The following TMEM235 variants were observed in gnomAD, a reference collection of about 807,000 sequenced individuals.
TMEM235 encodes transmembrane protein 235.
Under a neutral mutation model 22.9 loss-of-function variants are expected in TMEM235, and 23 were observed. The ratio of observed to expected loss-of-function variants is 1.00; its 90% CI spans 0.72 to 1.42. The LOEUF (loss-of-function observed/expected upper bound fraction) is 1.42. Among genes scored for constraint, TMEM235 ranks in the 40% most tolerant of loss-of-function variants. The probability of loss-of-function intolerance (pLI) is 0.00; values close to 1 mark genes in which losing one functional copy is unlikely to be tolerated. For synonymous variants in TMEM235, 137 were observed against 140.5 expected (o/e 0.98, Z 0.17); for missense variants, 308 against 299.5 (o/e 1.03, Z -0.21).
In TMEM235 at chr17:78,237,848, T is replaced by C. The variant is rs1306521134; in HGVS notation, c.410-1176T>C. Among the ~76,000 whole-genome samples the C allele has an allele frequency of 1.3e-5, 2 of 152,156 alleles. No individual in the cohort carries two copies. The highest frequency in any genetic ancestry group is 4.8e-5 in the African/African-American group (2 of 41,442). Reference sequence around the variant, plus strand: ...CTCCCTCCCTCAGCCTCCCCATGCCTTCTTCTCCCCACTCTCTGTCCCACT... The same window carrying C: ...CTCCCTCCCTCAGCCTCCCCATGCCCTCTTCTCCCCACTCTCTGTCCCACT... On this transcript the variant is annotated intron_variant, in intron 4 of 5. Transcript: ENST00000421688. This position sits in a 1 kb window ranked among gnomAD's most constrained non-coding sequence, Gnocchi z 4.7.
At chr17:78,233,651 C>A (rs368009642) in intron 2 of TMEM235, among the ~76,000 whole-genome samples, 1 of 150,480 alleles carries the variant, frequency 6.6e-6, no homozygotes, top group Non-Finnish European at 1.5e-5. Flanking sequence ...ACCGAGATCG[C>A]GCCACTGCAC....
At chr17:78,234,948 G>A (rs780967190) in intron 4 of TMEM235, among the ~76,000 whole-genome samples, 2 of 152,200 alleles carry the variant, frequency 1.3e-5, no homozygotes, top group Non-Finnish European at 2.9e-5. Context: ...CTGAGACTGC[G>A]TAATTTATAA....
Position 78,238,681 on chromosome 17 carries a change from G to A in TMEM235, c.410-343G>A, listed in dbSNP as rs1007709082. On this transcript the variant is annotated intron_variant, in intron 4 of 5. Coordinates refer to ENST00000421688, the Ensembl canonical transcript of TMEM235. This position sits in a 1 kb window ranked among gnomAD's most constrained non-coding sequence, Gnocchi z 4.3. Reference sequence around the variant, plus strand: ...GTGTGTGGGGGGCAGTTATGTGAGTGGGAACCATGTTGAGGGGCAGGTGGC... The same window carrying A: ...GTGTGTGGGGGGCAGTTATGTGAGTAGGAACCATGTTGAGGGGCAGGTGGC... Among the ~76,000 whole-genome samples, 1 of 151,684 alleles carries A rather than the reference G, an allele frequency of 6.6e-6. No homozygotes were observed. Among genetic ancestry groups the A allele is most frequent in the Non-Finnish European group, 1.5e-5 (1 of 67,934 alleles).
At chr17:78,234,117 A>C in intron 3 of TMEM235, 142 bp downstream of exon 2, 1 of 781,530 alleles carries the variant, frequency 1.3e-6, no homozygotes, top group South Asian at 1.6e-5. Flanking sequence ...GACCTGTCCC[A>C]GTGCTGTGCT....
In TMEM235 at chr17:78,239,927, G is replaced by A. The variant is rs924214651; in HGVS notation, c.*135G>A. On this transcript the variant is annotated 3_prime_UTR_variant, in exon 6 of 6. Coordinates refer to ENST00000421688, the Ensembl canonical transcript of TMEM235. Reference sequence around the variant, plus strand: ...CTTGGTGGAGAAGAGGCTGATGAGAGGGCCCGAGAGCCCCTCCGATTTGCA... The same window carrying A: ...CTTGGTGGAGAAGAGGCTGATGAGAAGGCCCGAGAGCCCCTCCGATTTGCA... 3.6e-5 allele frequency: 56 copies of A among 1,550,604 alleles called. No homozygotes were observed. In the African/African-American group the frequency reaches 6.7e-4, roughly 19 times the overall value.
chr17:78,235,693 C>T (rs920575822), intron 4 of TMEM235, among the ~76,000 whole-genome samples: 1 of 149,220 alleles, frequency 6.7e-6, no homozygotes, highest in African/African-American at 2.5e-5. Flanking sequence ...CTCTGCCTCC[C>T]AGGTTCATGC....
exon 6 of TMEM235, chr17:78,240,242 G>C (rs1225507351): frequency 5.2e-6 from 2 of 385,422 alleles, no homozygotes; most frequent in Admixed American, 7.7e-5. Flanking sequence ...GAGGAGTTTG[G>C]GGCCACTCCT....
exon 2 of TMEM235, chr17:78,231,909 GC>G (rs2076584167): frequency 1.0e-6 from 1 of 991,952 alleles, no homozygotes; most frequent in African/African-American, 1.8e-5. Context: ...GCTCAGAAGA[GC>G]CGGGCGCCGC....
chr17:78,239,737 C>T lies in TMEM235; in HGVS notation c.660-43C>T, dbSNP rs759479193. On this transcript the variant is annotated intron_variant, in intron 5 of 5. Coordinates refer to ENST00000421688, the Ensembl canonical transcript of TMEM235. ...TGGGCTCCATGCTCCTCTCCAGCCCCGCAATGGCCCTACTCAATGACTACC... is the reference window on the plus strand; with the variant it reads ...TGGGCTCCATGCTCCTCTCCAGCCCTGCAATGGCCCTACTCAATGACTACC... 2.9e-5 allele frequency: 44 copies of T among 1,514,544 alleles called. No homozygotes were observed. In the East Asian group the frequency reaches 5.2e-4, roughly 18 times the overall value. The allele number at this position is 1,514,544 out of a possible 1,614,324, so 93.8% of individuals were successfully genotyped here.
intron 3 of TMEM235, 183 bp from the exon 3 acceptor site, chr17:78,234,410 C>T (rs1489144080): frequency 2.3e-4 from 208 of 920,408 alleles, no homozygotes; most frequent in Non-Finnish European, 2.0e-5. Flanking sequence ...GCCTCCCCTC[C>T]TGGCCTTAGG....
chr17:78,232,447 C>A (rs2076593621), intron 2 of TMEM235, among the ~76,000 whole-genome samples: 1 of 152,196 alleles, frequency 6.6e-6, no homozygotes, highest in South Asian at 2.1e-4. Context: ...CCCCTCACAG[C>A]CGGAGGAGGG....
At position 78,238,001 on chromosome 17, in the gene TMEM235, C is replaced by G. The variant is rs1012274579; in HGVS notation, c.410-1023C>G. Reference sequence around the variant, plus strand: ...GCTTGGGTCAGTTGCCTTCTTTTGGCTGGGCAGTGCCCAGAGGGGACCCTG... The same window carrying G: ...GCTTGGGTCAGTTGCCTTCTTTTGGGTGGGCAGTGCCCAGAGGGGACCCTG... On this transcript the variant is annotated intron_variant, in intron 4 of 5. Transcript: ENST00000421688. This position sits in a 1 kb window ranked among gnomAD's most constrained non-coding sequence, Gnocchi z 4.3. Among the ~76,000 whole-genome samples the G allele has an allele frequency of 6.6e-6, 1 of 152,210 alleles. No homozygotes were observed. Among genetic ancestry groups the G allele is most frequent in the Non-Finnish European group, 1.5e-5 (1 of 68,034 alleles).
rs889523318 is a variant in TMEM235 at position 78,238,647 on chromosome 17, G to A, written c.410-377G>A. ...GCATGTGTGTGCTGGGGGCCATGGA[G>A]GGTACAGAGTGTGTGGGGGGCAGTT... On this transcript the variant is annotated intron_variant, in intron 4 of 5. Transcript: ENST00000421688. This position sits in a 1 kb window ranked among gnomAD's most constrained non-coding sequence, Gnocchi z 4.3. Among the ~76,000 whole-genome samples, 3 of 151,366 alleles carry A rather than the reference G, an allele frequency of 2.0e-5. No individual in the cohort carries two copies. Among genetic ancestry groups the A allele is most frequent in the Non-Finnish European group, 4.4e-5 (3 of 67,840 alleles).
At position 78,239,037 on chromosome 17, in the gene TMEM235, G is replaced by GAT. The variant is rs1386495424; in HGVS notation, c.423_424insAT (p.Ala142MetfsTer64). On this transcript the variant is annotated frameshift_variant, in exon 5 of 6. Coordinates refer to ENST00000421688, the Ensembl canonical transcript of TMEM235. LOFTEE classifies it high-confidence loss of function. Reference sequence around the variant, plus strand: ...TCTCTCCCCCAGGTGTCCTGACACTGGCGGGGGTCAGCATCTACATCAGCT... The same window carrying GAT: ...TCTCTCCCCCAGGTGTCCTGACACTGATGCGGGGGTCAGCATCTACATCAGCT... 6.5e-7 allele frequency: 1 copy of GAT among 1,540,840 alleles called. No individual in the cohort carries two copies. The highest frequency in any genetic ancestry group is 1.4e-5 in the African/African-American group (1 of 73,016).
Position 78,239,977 on chromosome 17 carries a change from G to C in TMEM235, c.*185G>C, listed in dbSNP as rs1161266676. 3.2e-6 allele frequency: 5 copies of C among 1,547,500 alleles called. No homozygotes were observed. In the East Asian group the frequency reaches 9.8e-5, roughly 30 times the overall value. On this transcript the variant is annotated 3_prime_UTR_variant, in exon 6 of 6. Coordinates refer to ENST00000421688, the Ensembl canonical transcript of TMEM235. Reference sequence around the variant, plus strand: ...AGGGGTGGGGGGCAAGGAGCTGAGCGATCCAGATGTACCCCTCTGCCCCCT... The same window carrying C: ...AGGGGTGGGGGGCAAGGAGCTGAGCCATCCAGATGTACCCCTCTGCCCCCT...
intron 3 of TMEM235, 30 bp from the exon 3 acceptor site, chr17:78,234,563 G>A (rs1340549166): frequency 6.5e-7 from 1 of 1,534,748 alleles, no homozygotes; most frequent in Non-Finnish European, 8.7e-7. Flanking sequence ...ACCTGGACCA[G>A]AATTCTCACC....
At chr17:78,239,895 G>A in exon 6 of TMEM235, 1 of 1,551,412 alleles carries the variant, frequency 6.4e-7, no homozygotes, top group Non-Finnish European at 8.7e-7. Context: ...TCTCCCCGAA[G>A]GGCAGGCTTG....
exon 6 of TMEM235, chr17:78,240,186 A>G (rs74880921): frequency 0.023 from 16,904 of 733,130 alleles, 243 homozygotes; most frequent in Middle Eastern, 0.029. Context: ...GAGCTGGCAG[A>G]GATGGAAGTC....
chr17:78,234,000 C>G, intron 3 of TMEM235, 25 bp downstream of exon 2: 2 of 1,493,138 alleles, frequency 1.3e-6, no homozygotes, highest in Non-Finnish European at 8.9e-7. Flanking sequence ...GGGCCACCTC[C>G]CCATCCTTTC....
Sources: gnomAD v4.1 joint callset for allele counts (sites outside exome capture counted in the v4.1 genomes callset) on GRCh38, gnomAD v4.1.1 for gene constraint, Gnocchi (gnomAD v3.1) non-coding constraint, MANE v1.5 for transcripts, NCBI Gene and HGNC (gene_info 2026-07-23, HGNC 2026-07-21) for gene names.